EXPH5: variants seen among roughly 807,000 people sequenced by gnomAD.
The protein encoded by EXPH5 is exophilin-5.
A neutral mutation model predicts 41.1 loss-of-function variants in EXPH5; 42 were observed. The ratio of observed to expected loss-of-function variants is 1.02; its 90% CI spans 0.80 to 1.32. The LOEUF is 1.32. Ranked by LOEUF, EXPH5 falls within the 40% of genes most tolerant of loss-of-function variation. The probability of loss-of-function intolerance (pLI) is 0.00; values close to 1 mark genes in which losing one functional copy is unlikely to be tolerated. For missense variants in EXPH5, 2,298 were observed against 2,314.5 expected (o/e 0.99, Z 0.15); for synonymous variants, 798 against 833.5 (o/e 0.96, Z 0.73).
At position 108,557,094 on chromosome 11, in the gene EXPH5, A is replaced by G. The variant is rs115408003; in HGVS notation, c.120-15282T>C. On this transcript the variant is annotated intron_variant, in intron 1 of 5. Transcript: ENST00000265843. ...TATGCCTTTGTGCCATTTAGGCCTT[A>G]GCTAAAATGTCACATCTTTAGAGAG... Among the ~76,000 whole-genome samples the G allele has an allele frequency of 3.9e-3, 592 of 152,316 alleles. 3 individuals carry two copies. The highest frequency in any genetic ancestry group is 0.013 in the African/African-American group (561 of 41,578).
At chr11:108,605,772 T>C in the EXPH5 span, among the ~76,000 whole-genome samples, 1 of 152,222 alleles carries the variant, frequency 6.6e-6, no homozygotes, top group Non-Finnish European at 1.5e-5. Context: ...ACATATATGA[T>C]GAATCATTCT....
At chr11:108,561,599 T>G (rs2094011905) in intron 1 of EXPH5, among the ~76,000 whole-genome samples, 1 of 152,214 alleles carries the variant, frequency 6.6e-6, no homozygotes, top group Non-Finnish European at 1.5e-5. Flanking sequence ...CAACATTTTT[T>G]GCATTCCTAC....
At chr11:108,532,339 G>GATAGATATATATATAT (rs1555192496) in intron 3 of EXPH5, among the ~76,000 whole-genome samples, 1 of 23,426 alleles carries the variant, frequency 4.3e-5, no homozygotes. Flanking sequence ...CACCACACTG[G>GATAGATATATATATAT]ATATATATAT....
intron 1 of EXPH5, among the ~76,000 whole-genome samples, chr11:108,558,445 A>C (rs753128924): frequency 1.3e-5 from 2 of 152,112 alleles, no homozygotes; most frequent in Non-Finnish European, 2.9e-5. Context: ...GGTATGCCCC[A>C]CTATTTAAGA....
intron 3 of EXPH5, 133 bp from the exon 4 acceptor site, chr11:108,528,317 T>C (rs2093813530): frequency 1.6e-6 from 1 of 619,164 alleles, no homozygotes; most frequent in South Asian, 2.2e-5. Flanking sequence ...TAGAAAGATG[T>C]TTCTTCGTTA....
rs2093649762 is a variant in EXPH5, at chr11:108,507,355, T to C, written c.*2182A>G. ...ACTCTCTATCAGTTCCAGATCTCTA[T>C]ACACTTCACCAACATCTATCATTAT... On this transcript the variant is annotated 3_prime_UTR_variant, in exon 6 of 6. Coordinates refer to ENST00000265843, the MANE Select transcript of EXPH5 (RefSeq NM_015065.3). 1 of 152,216 alleles carries C rather than the reference T, an allele frequency of 6.6e-6. No homozygotes were observed. The highest frequency in any genetic ancestry group is 2.4e-5 in the African/African-American group (1 of 41,460). The allele number at this position is 152,216 out of a possible 1,614,324, so 9.4% of individuals were successfully genotyped here.
intron 1 of EXPH5, among the ~76,000 whole-genome samples, chr11:108,577,131 A>T (rs2094082424): frequency 6.6e-6 from 1 of 152,142 alleles, no homozygotes; most frequent in Non-Finnish European, 1.5e-5. Flanking sequence ...CATTTTCCTT[A>T]TTCATTCATC....
intron 5 of EXPH5, among the ~76,000 whole-genome samples, chr11:108,515,551 C>T (rs2093719321): frequency 6.8e-6 from 1 of 147,934 alleles, no homozygotes; most frequent in African/African-American, 2.6e-5. Context: ...ACAGCACTTT[C>T]TATGTGTCAG....
At chr11:108,577,655 T>C (rs1196475453) in intron 1 of EXPH5, among the ~76,000 whole-genome samples, 1 of 152,174 alleles carries the variant, frequency 6.6e-6, no homozygotes, top group Non-Finnish European at 1.5e-5. Context: ...ACTCCTGACC[T>C]CAGGTAATCT....
chr11:108,598,353 T>C (rs192255902), upstream of EXPH5, among the ~76,000 whole-genome samples: 1 of 152,202 alleles, frequency 6.6e-6, no homozygotes, highest in Admixed American at 6.5e-5. Flanking sequence ...GTTATGGGCA[T>C]GTAGTATTTG....
At chr11:108,592,895 T>C (rs1327551737) in intron 1 of EXPH5, among the ~76,000 whole-genome samples, 1 of 152,204 alleles carries the variant, frequency 6.6e-6, no homozygotes, top group Non-Finnish European at 1.5e-5. Flanking sequence ...GTGCCGGCTC[T>C]CCCGTGCTTC....
intron 1 of EXPH5, among the ~76,000 whole-genome samples, chr11:108,563,538 G>C (rs1171175991): frequency 6.6e-6 from 1 of 152,172 alleles, no homozygotes; most frequent in Admixed American, 6.6e-5. Context: ...GGGGAACAGT[G>C]CCGGGCCACG....
chr11:108,564,707 C>A (rs528084492), intron 1 of EXPH5, among the ~76,000 whole-genome samples: 1 of 152,278 alleles, frequency 6.6e-6, no homozygotes, highest in African/African-American at 2.4e-5. Context: ...CCAAATTACC[C>A]TGGAAAAAGG....
upstream of EXPH5, among the ~76,000 whole-genome samples, chr11:108,594,969 C>T (rs1212835757): frequency 6.6e-6 from 1 of 152,226 alleles, no homozygotes; most frequent in Non-Finnish European, 1.5e-5. Context: ...CCATGGTGTA[C>T]ACAATACAGA....
intron 1 of EXPH5, among the ~76,000 whole-genome samples, chr11:108,587,672 C>A (rs2094117283): frequency 6.6e-6 from 1 of 152,172 alleles, no homozygotes; most frequent in Non-Finnish European, 1.5e-5. Context: ...AAGTATTTTA[C>A]CTTCGTAACG....
intron 4 of EXPH5, 149 bp downstream of exon 4, chr11:108,527,987 G>T: frequency 1.7e-6 from 1 of 579,870 alleles, no homozygotes. Context: ...AAATATAATT[G>T]GGAAAATTTG....
Position 108,593,592 on chromosome 11 carries a change from G to C in EXPH5, c.-56C>G. The C allele has an allele frequency of 6.2e-7, 1 of 1,612,868 alleles. No homozygotes were observed. Among genetic ancestry groups the C allele is most frequent in the East Asian group, 2.2e-5 (1 of 44,886 alleles). The stretch of plus-strand genomic sequence containing the variant: ...CTCCTTGGCGCCTCCTGTTAGGAAG[G>C]CATTTTTCAACCTGTACAAGACCAG... On this transcript the variant is annotated 5_prime_UTR_variant, in exon 1 of 6. Transcript: ENST00000265843.
At chr11:108,585,649 C>A (rs2094110913) in intron 1 of EXPH5, among the ~76,000 whole-genome samples, 1 of 152,256 alleles carries the variant, frequency 6.6e-6, no homozygotes, top group African/African-American at 2.4e-5. Context: ...GAGATTGGAA[C>A]TCTTATATAC....
intron 1 of EXPH5, among the ~76,000 whole-genome samples, chr11:108,568,969 C>T (rs570867896): frequency 3.9e-5 from 6 of 152,242 alleles, no homozygotes; most frequent in South Asian, 2.1e-4. Flanking sequence ...CTCCTCCTCC[C>T]CTCCAGTTTT....
Sources: gnomAD v4.1 joint callset for allele counts (sites outside exome capture counted in the v4.1 genomes callset) on GRCh38, gnomAD v4.1.1 for gene constraint, MANE v1.5 for transcripts, NCBI Gene and HGNC (gene_info 2026-07-23, HGNC 2026-07-21) for gene names.